Variants in PFKFB3 observed in about 807,000 individuals in gnomAD.
PFKFB3 encodes the protein 6-phosphofructo-2-kinase/fructose-2,6-bisphosphatase 3.
PFKFB3 carries 33 observed loss-of-function variants against 68.0 expected under a neutral mutation model. That is an observed-to-expected ratio of 0.49 (90% CI 0.37 to 0.65). The LOEUF is 0.65. PFKFB3 is among the 30% of genes least tolerant of loss of function. The pLI is 0.00. For synonymous variants in PFKFB3, 315 were observed against 288.2 expected (o/e 1.09, Z -0.94); for missense variants, 586 against 712.2 (o/e 0.82, Z 2.02).
chr10:6,169,931 A>C (rs1468453374), intron 1 of PFKFB3, among the ~76,000 whole-genome samples: 1 of 152,156 alleles, frequency 6.6e-6, no homozygotes, highest in Admixed American at 6.5e-5. Flanking sequence ...GAAGATTGAA[A>C]CATTGGGAGT....
chr10:6,323,851 G>GT, the PFKFB3 span, among the ~76,000 whole-genome samples: 1 of 152,162 alleles, frequency 6.6e-6, no homozygotes, highest in Non-Finnish European at 1.5e-5. Context: ...TGGGATGGTG[G>GT]TTCCTTAAAA....
At position 6,224,230 on chromosome 10, in the gene PFKFB3, A is replaced by G. The variant is rs768381860; in HGVS notation, c.1341+17A>G. 9.3e-6 allele frequency: 15 copies of G among 1,611,918 alleles called. No homozygotes were observed. In the South Asian group the frequency reaches 1.5e-4, roughly 17 times the overall value. ...AGGTCAGAGGTGAGTGGAGGCCCCA[A>G]GCCTCATCCTGGCCATCATCACACG... On this transcript the variant is annotated intron_variant, in intron 13 of 14. Transcript: ENST00000379775.
the PFKFB3 span, among the ~76,000 whole-genome samples, chr10:6,299,475 A>G: frequency 9.9e-5 from 15 of 152,174 alleles, no homozygotes; most frequent in Non-Finnish European, 1.8e-4. Flanking sequence ...TGGCTGAGTC[A>G]GTGTGCCGTG....
rs911164683 is a variant in PFKFB3, at chr10:6,235,329, A to G, written c.*2387A>G. 3 of 152,480 alleles carry G rather than the reference A, an allele frequency of 2.0e-5. No individual in the cohort carries two copies. The highest frequency in any genetic ancestry group is 7.2e-5 in the African/African-American group (3 of 41,454). The allele number at this position is 152,480 out of a possible 1,614,324, so 9.4% of individuals were successfully genotyped here. ...TTAATATGTATAAGGAGCCTAAACA[A>G]TAGAAAGCTGTAGAGATTGGGTTTC... On this transcript the variant is annotated 3_prime_UTR_variant, in exon 15 of 15. Coordinates refer to ENST00000379775, the MANE Select transcript of PFKFB3 (RefSeq NM_004566.4).
chr10:6,154,816 C>T lies in PFKFB3; in HGVS notation c.16+9803C>T, dbSNP rs561158774. Among the ~76,000 whole-genome samples the T allele has an allele frequency of 1.6e-4, 24 of 152,128 alleles. No individual in the cohort carries two copies. Among genetic ancestry groups the T allele is most frequent in the African/African-American group, 4.1e-4 (17 of 41,428 alleles). ...CTGCCTTCTGTCTGATCTGGGGAGA[C>T]GCTGGGAGCCAGGTGGCCGAGGCGG... is the stretch of plus-strand genomic sequence containing the variant. On this transcript the variant is annotated intron_variant, in intron 1 of 14. Transcript: ENST00000379789. This position sits in a 1 kb window ranked among gnomAD's most constrained non-coding sequence, Gnocchi z 4.6.
At chr10:6,155,638 C>CT (rs1218381299) in intron 1 of PFKFB3, among the ~76,000 whole-genome samples, 1 of 152,146 alleles carries the variant, frequency 6.6e-6, no homozygotes, top group Non-Finnish European at 1.5e-5. Context: ...TCCAGGAAGA[C>CT]TTCCTGGACA....
At chr10:6,301,372 C>A in the PFKFB3 span, among the ~76,000 whole-genome samples, 39 of 152,280 alleles carry the variant, frequency 2.6e-4, no homozygotes, top group African/African-American at 8.2e-4. Flanking sequence ...ATTTCCTTCA[C>A]CCTTACTTAT....
At chr10:6,278,906 T>G in the PFKFB3 span, among the ~76,000 whole-genome samples, 4 of 152,196 alleles carry the variant, frequency 2.6e-5, no homozygotes, top group African/African-American at 7.2e-5. Context: ...CTTTGTTACT[T>G]TCTCCCTGAG....
At chr10:6,293,587 C>T in the PFKFB3 span, 1 of 203,010 alleles carries the variant, frequency 4.9e-6, no homozygotes, top group Non-Finnish European at 1.0e-5. Flanking sequence ...ATAAGGTGAT[C>T]TGCCTGCCTT....
At chr10:6,246,694 G>A (rs1274873912) in intron 14 of PFKFB3, among the ~76,000 whole-genome samples, 1 of 151,998 alleles carries the variant, frequency 6.6e-6, no homozygotes, top group Non-Finnish European at 1.5e-5. Context: ...GATTTGGAGG[G>A]GAGATGTGCA....
the PFKFB3 span, chr10:6,326,556 A>G: frequency 2.0e-5 from 9 of 456,186 alleles, no homozygotes; most frequent in Admixed American, 7.1e-5. Flanking sequence ...ATATGGAGTT[A>G]CCAGTAAGGA....
At chr10:6,320,989 T>C in the PFKFB3 span, among the ~76,000 whole-genome samples, 1 of 152,184 alleles carries the variant, frequency 6.6e-6, no homozygotes, top group South Asian at 2.1e-4. Context: ...CCAACCACTG[T>C]CCATGGAAAT....
At chr10:6,249,745 T>TTGTGTG (rs34232938) in intron 14 of PFKFB3, among the ~76,000 whole-genome samples, 3 of 150,818 alleles carry the variant, frequency 2.0e-5, no homozygotes, top group East Asian at 1.9e-4. Flanking sequence ...GGTGGAATAT[T>TTGTGTG]TGTGTGTGTG....
intron 1 of PFKFB3, among the ~76,000 whole-genome samples, chr10:6,195,685 G>A (rs538769716): frequency 6.6e-5 from 10 of 152,300 alleles, no homozygotes; most frequent in African/African-American, 1.4e-4. Flanking sequence ...GAGAGTATTC[G>A]GGGGGCTCCC....
intron 1 of PFKFB3, among the ~76,000 whole-genome samples, chr10:6,178,130 C>A (rs79019958): frequency 0.033 from 5,014 of 152,282 alleles, 148 homozygotes; most frequent in East Asian, 0.14. Flanking sequence ...ATGACAGGAC[C>A]TTTGGGAATC....
At chr10:6,267,025 T>C in the PFKFB3 span, among the ~76,000 whole-genome samples, 1 of 151,620 alleles carries the variant, frequency 6.6e-6, no homozygotes, top group Non-Finnish European at 1.5e-5. Flanking sequence ...CTTTTTTCTC[T>C]TGTCATGTTG....
At chr10:6,278,711 T>G in the PFKFB3 span, among the ~76,000 whole-genome samples, 2 of 152,234 alleles carry the variant, frequency 1.3e-5, no homozygotes, top group Admixed American at 6.5e-5. Flanking sequence ...GAGCAGAGGT[T>G]TGCGGAGGGC....
At chr10:6,209,015 C>T (rs1446111631) in intron 1 of PFKFB3, among the ~76,000 whole-genome samples, 1 of 152,238 alleles carries the variant, frequency 6.6e-6, no homozygotes, top group Non-Finnish European at 1.5e-5. Flanking sequence ...ACTACTCAGC[C>T]ACATTGACCC....
chr10:6,222,099 T>TGGCTGA (rs1845006335), intron 10 of PFKFB3, among the ~76,000 whole-genome samples: 1 of 152,116 alleles, frequency 6.6e-6, no homozygotes, highest in Non-Finnish European at 1.5e-5. Context: ...CGGGTGGCTG[T>TGGCTGA]GGCTGAGGAC....
Sources: gnomAD v4.1 joint callset for allele counts (sites outside exome capture counted in the v4.1 genomes callset) on GRCh38, gnomAD v4.1.1 for gene constraint, Gnocchi (gnomAD v3.1) non-coding constraint, MANE v1.5 for transcripts, NCBI Gene and HGNC (gene_info 2026-07-23, HGNC 2026-07-21) for gene names.